Variants in PLD5 observed in about 807,000 individuals in gnomAD.
PLD5 encodes inactive phospholipase D5.
In PLD5, 36 loss-of-function variants were observed where a neutral mutation model predicts 61.1. That is an observed-to-expected ratio of 0.59 (90% CI 0.45 to 0.78). The LOEUF (loss-of-function observed/expected upper bound fraction) is 0.78, where lower values mean the gene tolerates loss of function less well. Ranked by LOEUF, PLD5 falls within the 30% of genes least tolerant of loss-of-function variation. The pLI is 0.00. For synonymous variants in PLD5, 243 were observed against 242.8 expected (o/e 1.00, Z -0.01); for missense variants, 515 against 644.4 (o/e 0.80, Z 2.17).
chr1:242,102,692 T>G (rs1660774470), intron 8 of PLD5, among the ~76,000 whole-genome samples: 1 of 152,188 alleles, frequency 6.6e-6, no homozygotes, highest in Non-Finnish European at 1.5e-5. Flanking sequence ...TATGCAAGAT[T>G]CCAATCCTCA....
At chr1:242,502,232 C>T (rs1668577440) in intron 1 of PLD5, among the ~76,000 whole-genome samples, 1 of 152,156 alleles carries the variant, frequency 6.6e-6, no homozygotes, top group Admixed American at 6.5e-5. Context: ...CATCACCGTG[C>T]CCCTCAAACT....
At chr1:242,490,528 C>T (rs78921421) in intron 1 of PLD5, among the ~76,000 whole-genome samples, 1 of 152,136 alleles carries the variant, frequency 6.6e-6, no homozygotes, top group East Asian at 1.9e-4. Flanking sequence ...TTCTTAATAA[C>T]ATATATTTTT....
At chr1:242,327,896 G>C (rs1024144364) in intron 2 of PLD5, among the ~76,000 whole-genome samples, 1 of 152,000 alleles carries the variant, frequency 6.6e-6, no homozygotes, top group African/African-American at 2.4e-5. Flanking sequence ...TTCAAGACCA[G>C]CCTGGGCAAC....
chr1:242,327,223 T>A (rs1347586310), intron 2 of PLD5, among the ~76,000 whole-genome samples: 2 of 151,972 alleles, frequency 1.3e-5, no homozygotes, highest in Non-Finnish European at 2.9e-5. Flanking sequence ...CCCAGGCTGG[T>A]CTTGAACAGC....
At chr1:242,103,136 A>C (rs909964083) in intron 8 of PLD5, among the ~76,000 whole-genome samples, 3 of 152,158 alleles carry the variant, frequency 2.0e-5, no homozygotes, top group African/African-American at 2.4e-5. Flanking sequence ...CAAAAGTCCC[A>C]GACTGTCCTC....
intron 1 of PLD5, among the ~76,000 whole-genome samples, chr1:242,417,031 A>G (rs971692896): frequency 1.1e-4 from 17 of 152,330 alleles, no homozygotes; most frequent in Admixed American, 2.6e-4. Context: ...AATATATAAT[A>G]TTTCAGATGG....
intron 1 of PLD5, among the ~76,000 whole-genome samples, chr1:242,505,049 C>G (rs1553437): frequency 0.31 from 47,501 of 152,070 alleles, 8,848 homozygotes; most frequent in African/African-American, 0.52. Flanking sequence ...CCTAGCTACT[C>G]AGGAGGCTGA....
upstream of PLD5, among the ~76,000 whole-genome samples, chr1:242,524,857 TC>T (rs1235139793): frequency 6.6e-6 from 1 of 151,510 alleles, no homozygotes; most frequent in Admixed American, 6.6e-5. Flanking sequence ...GCGCTCCCGC[TC>T]CGCACCCGCC....
intron 4 of PLD5, among the ~76,000 whole-genome samples, chr1:242,263,479 A>G (rs1673485643): frequency 6.6e-6 from 1 of 150,906 alleles, no homozygotes; most frequent in African/African-American, 2.5e-5. Context: ...GGATGAGAGT[A>G]GAGAAATACA....
intron 4 of PLD5, among the ~76,000 whole-genome samples, chr1:242,246,974 CTTTTTTTTTTTTTTTT>C (rs74466537): frequency 7.4e-6 from 1 of 135,808 alleles, no homozygotes; most frequent in African/African-American, 2.8e-5. Context: ...TTTAGGGATT[CTTTTTTTTTTTTTTTT>C]TTTTTTTTTT....
intron 1 of PLD5, among the ~76,000 whole-genome samples, chr1:242,506,139 A>G (rs1235026059): frequency 6.6e-6 from 1 of 152,192 alleles, no homozygotes; most frequent in African/African-American, 2.4e-5. Flanking sequence ...CACTGGGGGA[A>G]CCTCGAGAGG....
At chr1:242,204,265 G>A (rs1392965659) in intron 5 of PLD5, among the ~76,000 whole-genome samples, 1 of 151,792 alleles carries the variant, frequency 6.6e-6, no homozygotes, top group Non-Finnish European at 1.5e-5. Context: ...AAAATTTTAG[G>A]CACTATCTTC....
At chr1:242,269,956 C>T (rs564465050) in intron 3 of PLD5, among the ~76,000 whole-genome samples, 1 of 152,220 alleles carries the variant, frequency 6.6e-6, no homozygotes, top group South Asian at 2.1e-4. Flanking sequence ...CCTTTCAATT[C>T]CAAAAGACTG....
At position 242,524,111 on chromosome 1, in the gene PLD5, G is replaced by T; in HGVS notation, c.166C>A (p.Arg56=). The change falls in exon 1 of 10, where the codon CGG becomes AGG. Residue 56 remains arginine (R), a synonymous_variant. Coordinates refer to ENST00000536534, the MANE Select transcript of PLD5 (RefSeq NM_001372062.1). ...QQDYSASVWL[R]RKDKLEHSQQ... is the part of the protein sequence containing the mutation. ...ACGTGCTCCAGCTTGTCTTTCCTCC[G>T]AAGCCAGACGCTGGCGCTGTAGTCC... 1 of 1,535,140 alleles carries T rather than the reference G, an allele frequency of 6.5e-7. No individual in the cohort carries two copies. The highest frequency in any genetic ancestry group is 8.7e-7 in the Non-Finnish European group (1 of 1,146,314).
chr1:242,279,179 A>G (rs1462062807), intron 3 of PLD5, among the ~76,000 whole-genome samples: 3 of 152,236 alleles, frequency 2.0e-5, no homozygotes, highest in Non-Finnish European at 4.4e-5. Flanking sequence ...CTGAGGGAAC[A>G]ATTGCAATCA....
In PLD5 at chr1:242,085,873, T is replaced by TG. The variant is rs987737676; in HGVS notation, c.*3980dup. ...AAACACACACCAGTGGTCATACGTGTGGAAAAAAAAAAAAGTTAATTGTAG... is the reference window on the plus strand; with the variant it reads ...AAACACACACCAGTGGTCATACGTGTGGGAAAAAAAAAAAAGTTAATTGTAG... On this transcript the variant is annotated 3_prime_UTR_variant, in exon 10 of 10. Transcript: ENST00000536534. The TG allele has an allele frequency of 3.3e-5, 4 of 121,056 alleles. No homozygotes were observed. The highest frequency in any genetic ancestry group is 6.6e-5 in the African/African-American group (2 of 30,428). The allele number at this position is 121,056 out of a possible 1,614,324, so 7.5% of individuals were successfully genotyped here.
At chr1:242,183,651 T>TGG (rs1667664553) in intron 5 of PLD5, among the ~76,000 whole-genome samples, 1 of 152,094 alleles carries the variant, frequency 6.6e-6, no homozygotes. Context: ...ATCCCAGCAC[T>TGG]TTGGGAGGCC....
intron 5 of PLD5, among the ~76,000 whole-genome samples, chr1:242,152,522 C>A (rs1345413568): frequency 6.6e-6 from 1 of 150,548 alleles, no homozygotes; most frequent in Admixed American, 6.6e-5. Flanking sequence ...TACCCCCTAA[C>A]AGGCCCCAGT....
chr1:242,150,603 T>C (rs544612761), intron 5 of PLD5, among the ~76,000 whole-genome samples: 1 of 151,894 alleles, frequency 6.6e-6, no homozygotes, highest in Non-Finnish European at 1.5e-5. Flanking sequence ...CTGAAGTCTA[T>C]TTTGATACTG....
Sources: allele counts gnomAD v4.1 joint callset (sites outside exome capture counted in the v4.1 genomes callset), GRCh38; gene constraint gnomAD v4.1.1; transcripts MANE v1.5; gene names NCBI Gene and HGNC (gene_info 2026-07-23, HGNC 2026-07-21).